Variants in AFG2A observed in about 807,000 individuals in gnomAD.
AFG2A encodes AAA ATPase AFG2A, also known as ATPase family gene 2 protein homolog A.
chr4:123,242,229 T>G, the AFG2A span, among the ~76,000 whole-genome samples: 1 of 152,152 alleles, frequency 6.6e-6, no homozygotes, highest in Admixed American at 6.5e-5. Flanking sequence ...AAGCTACCAA[T>G]GATTTTCTTC....
the AFG2A span, among the ~76,000 whole-genome samples, chr4:123,249,298 G>A: frequency 4.2e-4 from 64 of 152,288 alleles, no homozygotes; most frequent in African/African-American, 1.5e-3. Context: ...AGCGTGGTGA[G>A]TTTTACTAAC....
At chr4:123,234,530 A>G in the AFG2A span, among the ~76,000 whole-genome samples, 1,126 of 152,240 alleles carry the variant, frequency 7.4e-3, 4 homozygotes, top group Middle Eastern at 0.044. Context: ...GTATGACTCA[A>G]TATCAATATT....
chr4:123,157,492 C>T, the AFG2A span, among the ~76,000 whole-genome samples: 10 of 152,190 alleles, frequency 6.6e-5, no homozygotes, highest in East Asian at 1.5e-3. Context: ...GTTTTATCTC[C>T]CAAATACTGC....
chr4:123,018,855 G>A, the AFG2A span, among the ~76,000 whole-genome samples: 1 of 151,430 alleles, frequency 6.6e-6, no homozygotes, highest in African/African-American at 2.4e-5. Flanking sequence ...TGTTGGCCAG[G>A]CTTTTTAAGC....
At chr4:123,155,785 G>GA in the AFG2A span, among the ~76,000 whole-genome samples, 1 of 152,244 alleles carries the variant, frequency 6.6e-6, no homozygotes, top group South Asian at 2.1e-4. Flanking sequence ...GGAGGTCCTG[G>GA]AACCAATCCC....
chr4:122,999,740 A>G, the AFG2A span, among the ~76,000 whole-genome samples: 2 of 152,130 alleles, frequency 1.3e-5, no homozygotes, highest in African/African-American at 2.4e-5. Flanking sequence ...GTCAGGTAGC[A>G]TGATGCCTCC....
chr4:123,147,841 C>T, the AFG2A span, among the ~76,000 whole-genome samples: 2 of 152,078 alleles, frequency 1.3e-5, no homozygotes, highest in African/African-American at 2.4e-5. Context: ...TGTAATTGTA[C>T]ATGAATCATT....
At chr4:123,139,304 T>C in the AFG2A span, among the ~76,000 whole-genome samples, 1 of 152,114 alleles carries the variant, frequency 6.6e-6, no homozygotes, top group Non-Finnish European at 1.5e-5. Flanking sequence ...GAAACATTCA[T>C]TAAAACCAGT....
At chr4:123,195,603 A>G in the AFG2A span, among the ~76,000 whole-genome samples, 1 of 152,232 alleles carries the variant, frequency 6.6e-6, no homozygotes, top group Non-Finnish European at 1.5e-5. Flanking sequence ...AACATATCTT[A>G]TTAAGATAAG....
chr4:123,253,700 G>A, the AFG2A span, among the ~76,000 whole-genome samples: 6 of 151,974 alleles, frequency 3.9e-5, no homozygotes, highest in African/African-American at 1.5e-4. Context: ...TGTAGATATG[G>A]GTTTTTTCTT....
At chr4:123,015,688 T>C in the AFG2A span, among the ~76,000 whole-genome samples, 3 of 151,530 alleles carry the variant, frequency 2.0e-5, no homozygotes, top group African/African-American at 2.4e-5. Flanking sequence ...CCGTTATCAA[T>C]GAGCTGTTGG....
chr4:122,982,840 C>G, the AFG2A span, among the ~76,000 whole-genome samples: 1,669 of 148,000 alleles, frequency 0.011, 43 homozygotes, highest in African/African-American at 0.038. Flanking sequence ...TTTCATTTCT[C>G]AGTTTATTTA....
the AFG2A span, chr4:122,927,526 T>C: frequency 2.7e-6 from 3 of 1,103,656 alleles, no homozygotes; most frequent in South Asian, 5.0e-5. Context: ...GTATGGTAAG[T>C]ACATTCATGT....
the AFG2A span, among the ~76,000 whole-genome samples, chr4:123,088,928 G>A: frequency 6.6e-6 from 1 of 152,078 alleles, no homozygotes; most frequent in Non-Finnish European, 1.5e-5. Flanking sequence ...GAATCCATTT[G>A]TTTATAGTGT....
the AFG2A span, among the ~76,000 whole-genome samples, chr4:123,092,415 T>C: frequency 6.6e-6 from 1 of 152,210 alleles, no homozygotes; most frequent in Non-Finnish European, 1.5e-5. Context: ...TTCTTTGGCT[T>C]CCTAATGTTG....
At chr4:122,998,093 T>C in the AFG2A span, among the ~76,000 whole-genome samples, 370 of 152,266 alleles carry the variant, frequency 2.4e-3, 4 homozygotes, top group Non-Finnish European at 4.4e-4. Context: ...CAGTTAGTTG[T>C]CTCTTTCACT....
At chr4:123,273,767 T>C in the AFG2A span, among the ~76,000 whole-genome samples, 3 of 152,216 alleles carry the variant, frequency 2.0e-5, no homozygotes, top group African/African-American at 4.8e-5. Flanking sequence ...GTATAAGATG[T>C]AGATGAAACA....
the AFG2A span, among the ~76,000 whole-genome samples, chr4:123,052,456 C>G: frequency 6.6e-6 from 1 of 152,168 alleles, no homozygotes; most frequent in Non-Finnish European, 1.5e-5. Flanking sequence ...CCTCTGGTGC[C>G]TCATGTCCAT....
chr4:123,123,644 G>A, the AFG2A span, among the ~76,000 whole-genome samples: 90 of 152,056 alleles, frequency 5.9e-4, 1 homozygote, highest in South Asian at 4.4e-3. Context: ...TTAGAATGGC[G>A]ATCATTAAAA....
Sources: gnomAD v4.1 joint callset for allele counts (sites outside exome capture counted in the v4.1 genomes callset) on GRCh38, gnomAD v4.1.1 for gene constraint, MANE v1.5 for transcripts, NCBI Gene and HGNC (gene_info 2026-07-23, HGNC 2026-07-21) for gene names.